Variants in CCDC88C observed in about 807,000 individuals in gnomAD.
The protein encoded by CCDC88C is protein Daple.
Under a neutral mutation model 198.8 loss-of-function variants are expected in CCDC88C, and 131 were observed. The observed-to-expected ratio is 0.66, with a 90% CI of 0.57 to 0.76. CCDC88C has a LOEUF of 0.76. Among genes scored for constraint, CCDC88C ranks in the 30% least tolerant of loss-of-function variants. The pLI, the probability that CCDC88C is intolerant of heterozygous loss-of-function variation, is 0.00. For synonymous variants in CCDC88C, 1,166 were observed against 1,114.7 expected (o/e 1.05, Z -0.92); for missense variants, 2,553 against 2,631.6 (o/e 0.97, Z 0.65).
At chr14:91,359,435 C>G (rs1167459295) in intron 4 of CCDC88C, among the ~76,000 whole-genome samples, 2 of 152,170 alleles carry the variant, frequency 1.3e-5, no homozygotes, top group African/African-American at 4.8e-5. Context: ...CCGCGCCCGG[C>G]CTGGGAGGCT....
At position 91,313,508 on chromosome 14, in the gene CCDC88C, G is replaced by T. The variant is rs555874748; in HGVS notation, c.2308C>A (p.Arg770=). Residue 770 remains arginine, a synonymous_variant, in exon 15 of 30, where the codon CGG becomes AGG. Coordinates refer to ENST00000389857, the MANE Select transcript of CCDC88C (RefSeq NM_001080414.4). The surrounding 1 kb of genome is among the most constrained non-coding windows in gnomAD (Gnocchi z 5.2). ...CTGCTCTCCAGGCTCTGCTGCAGCC[G>T]GAGGTTCTCAGCGCTCACGCTCTGG... ...SYQSVSAENL[R]LQQSLESSSH... 8.7e-6 allele frequency: 14 copies of T among 1,608,444 alleles called. No individual in the cohort carries two copies. The highest frequency in any genetic ancestry group is 2.7e-5 in the African/African-American group (2 of 74,936).
At chr14:91,304,398 C>T (rs1019574896) in intron 19 of CCDC88C, among the ~76,000 whole-genome samples, 1 of 152,152 alleles carries the variant, frequency 6.6e-6, no homozygotes, top group Non-Finnish European at 1.5e-5. Flanking sequence ...GCCTGAGCAA[C>T]ATAGTGAGAC....
At chr14:91,396,323 C>G (rs1449560604) in intron 3 of CCDC88C, among the ~76,000 whole-genome samples, 1 of 152,144 alleles carries the variant, frequency 6.6e-6, no homozygotes, top group Non-Finnish European at 1.5e-5. Flanking sequence ...AAGGAGAAAC[C>G]TCTGTTTTTT....
intron 3 of CCDC88C, among the ~76,000 whole-genome samples, chr14:91,391,164 T>A (rs1052578629): frequency 9.9e-5 from 15 of 151,996 alleles, no homozygotes; most frequent in African/African-American, 2.9e-4. Context: ...GTGTTGAGCC[T>A]CATGCTGGAC....
At chr14:91,416,644 A>C in intron 2 of CCDC88C, 94 bp downstream of exon 2, 1 of 911,742 alleles carries the variant, frequency 1.1e-6, no homozygotes, top group Non-Finnish European at 1.8e-6. Flanking sequence ...CCCCCACCCC[A>C]CACACACCCC....
intron 2 of CCDC88C, among the ~76,000 whole-genome samples, chr14:91,411,703 C>T (rs928322240): frequency 6.6e-6 from 1 of 152,184 alleles, no homozygotes; most frequent in Non-Finnish European, 1.5e-5. Flanking sequence ...TGGCTCATGC[C>T]TGTAACCCCA....
At position 91,325,824 on chromosome 14, in the gene CCDC88C, C is replaced by A; in HGVS notation, c.1197+86G>T. The stretch of plus-strand genomic sequence containing the variant: ...GCTCAAGGGATCCTCCCACCTTAGC[C>A]TCCCAAAGTGCTGGGATTACAGGCA... On this transcript the variant is annotated intron_variant, in intron 11 of 29. Transcript: ENST00000389857. The surrounding 1 kb of genome is among the most constrained non-coding windows in gnomAD (Gnocchi z 4.1). The A allele has an allele frequency of 7.3e-7, 1 of 1,361,250 alleles. No individual in the cohort carries two copies. Among genetic ancestry groups the A allele is most frequent in the Non-Finnish European group, 1.0e-6 (1 of 997,570 alleles). 84.3% of individuals were successfully genotyped at this position (1,361,250 alleles called of 1,614,324 possible).
chr14:91,296,243 G>A (rs773556193), intron 22 of CCDC88C, among the ~76,000 whole-genome samples: 12 of 152,150 alleles, frequency 7.9e-5, no homozygotes, highest in Non-Finnish European at 1.5e-4. Context: ...GTCCCCTCTC[G>A]TGACCTGTGT....
intron 15 of CCDC88C, 54 bp from the exon 16 acceptor site, chr14:91,310,040 G>A (rs1891749941): frequency 1.3e-6 from 2 of 1,503,444 alleles, no homozygotes; most frequent in African/African-American, 1.4e-5. Context: ...CACGCAGGAA[G>A]GCCAGGCGCC....
chr14:91,296,882 G>A (rs941314350), intron 22 of CCDC88C, among the ~76,000 whole-genome samples: 3 of 152,200 alleles, frequency 2.0e-5, no homozygotes, highest in South Asian at 2.1e-4. Flanking sequence ...TAGAAGGGAC[G>A]GCTCTGGAAG....
chr14:91,345,190 A>ATATATATATATTTTTTT (rs1246878587), intron 4 of CCDC88C, among the ~76,000 whole-genome samples: 1 of 52,204 alleles, frequency 1.9e-5, no homozygotes, highest in African/African-American at 7.9e-5. Flanking sequence ...ATATATATAT[A>ATATATATATATTTTTTT]TTTTTTTTTT....
At chr14:91,405,107 C>T (rs1016429686) in intron 3 of CCDC88C, among the ~76,000 whole-genome samples, 1 of 152,214 alleles carries the variant, frequency 6.6e-6, no homozygotes, top group African/African-American at 2.4e-5. Context: ...TTTCCACCCA[C>T]TTGCTGACCT....
intron 3 of CCDC88C, among the ~76,000 whole-genome samples, chr14:91,367,686 G>C (rs952255828): frequency 3.3e-5 from 5 of 152,152 alleles, no homozygotes; most frequent in African/African-American, 1.2e-4. Flanking sequence ...GACAGCTTCT[G>C]AGCTGGGCTG....
chr14:91,416,607 C>G, intron 2 of CCDC88C, 131 bp downstream of exon 2: 2 of 709,760 alleles, frequency 2.8e-6, no homozygotes, highest in Non-Finnish European at 5.0e-6. Flanking sequence ...TACTGAGATA[C>G]CAGCGTCTCC....
chr14:91,313,446 G>T lies in CCDC88C; in HGVS notation c.2370C>A (p.Gly790=). Residue 790 remains glycine (G), a synonymous_variant, in exon 15 of 30, where the codon GGC becomes GGA. Transcript: ENST00000389857. The surrounding 1 kb of genome is among the most constrained non-coding windows in gnomAD (Gnocchi z 5.2). ...GCGCCTGGCGCTCAGCCTCCAGCTC[G>T]CCCAGCTCACTCTCCAAGGTCTGCG... ...HKTQTLESEL[G]ELEAERQALR... The T allele has an allele frequency of 6.2e-7, 1 of 1,607,292 alleles. No homozygotes were observed. Among genetic ancestry groups the T allele is most frequent in the East Asian group, 2.2e-5 (1 of 44,868 alleles).
At position 91,307,196 on chromosome 14, in the gene CCDC88C, T is replaced by C. The variant is rs766609314; in HGVS notation, c.3037A>G (p.Asn1013Asp). Residue 1013 changes from asparagine to aspartate, a missense_variant, in exon 18 of 30, where the codon AAC (asparagine) becomes GAC (aspartate). This residue lies in a region of CCDC88C where 1,260 missense variants were observed against 1,412.0 expected (regional missense o/e 0.89). Coordinates refer to ENST00000389857, the MANE Select transcript of CCDC88C (RefSeq NM_001080414.4). ...TGCAAGTGCTGCCCCTCTCCCTGGT[T>C]CTGCCTGAGGGTCTCACACTCCTTC... ...LKKECETLRQNQGEGQHLQNS... is the reference protein window; with the variant it reads ...LKKECETLRQDQGEGQHLQNS... 6.2e-7 allele frequency: 1 copy of C among 1,613,704 alleles called. No individual in the cohort carries two copies. Among genetic ancestry groups the C allele is most frequent in the East Asian group, 2.2e-5 (1 of 44,892 alleles).
chr14:91,384,852 G>A (rs186133575), intron 3 of CCDC88C, among the ~76,000 whole-genome samples: 2 of 152,266 alleles, frequency 1.3e-5, no homozygotes, highest in East Asian at 1.9e-4. Flanking sequence ...TGAAGCCCAC[G>A]GGTGATGCTC....
At chr14:91,402,298 A>G (rs143800950) in intron 3 of CCDC88C, among the ~76,000 whole-genome samples, 1 of 148,444 alleles carries the variant, frequency 6.7e-6, no homozygotes, top group African/African-American at 2.4e-5. Flanking sequence ...ACAACAACAA[A>G]AAAACACAAA....
At chr14:91,397,666 C>T (rs61988434) in intron 3 of CCDC88C, among the ~76,000 whole-genome samples, 14,083 of 152,294 alleles carry the variant, frequency 0.092, 805 homozygotes, top group Non-Finnish European at 0.13. Context: ...TTCCACCCTC[C>T]GCCCAACCCC....
Sources: allele counts gnomAD v4.1 joint callset (sites outside exome capture counted in the v4.1 genomes callset), GRCh38; gene constraint gnomAD v4.1.1; regional missense constraint gnomAD v4.1.1; non-coding constraint Gnocchi (gnomAD v3.1); transcripts MANE v1.5; gene names NCBI Gene and HGNC (gene_info 2026-07-23, HGNC 2026-07-21).